Variants in TSC22D2 observed in about 807,000 individuals in gnomAD.
The protein encoded by TSC22D2 is TSC22 domain family protein 2.
Under a neutral mutation model 50.1 loss-of-function variants are expected in TSC22D2, and 5 were observed. The observed-to-expected ratio is 0.10, with a 90% CI of 0.05 to 0.21. TSC22D2 has a LOEUF of 0.21. Among genes scored for constraint, TSC22D2 ranks in the 10% least tolerant of loss-of-function variants. The probability of loss-of-function intolerance (pLI) is 1.00; values close to 1 mark genes in which losing one functional copy is unlikely to be tolerated. For missense variants in TSC22D2, 1,003 were observed against 1,015.5 expected (o/e 0.99, Z 0.17); for synonymous variants, 501 against 450.1 (o/e 1.11, Z -1.43).
Position 150,409,653 on chromosome 3 carries a change from C to A in TSC22D2, c.303C>A (p.Pro101=), listed in dbSNP as rs1429924397. Residue 101 remains proline, a synonymous_variant, in exon 1 of 3, where the codon CCC becomes CCA. Coordinates refer to ENST00000688009, the MANE Select transcript of TSC22D2 (RefSeq NM_001303264.2). This position sits in a 1 kb window ranked among gnomAD's most constrained non-coding sequence, Gnocchi z 7.4. ...DGQLAAAAAA[P]ANGGGVVSAR... is the part of the protein sequence containing the mutation. ...AGCTGGCAGCGGCGGCTGCTGCTCC[C>A]GCCAACGGAGGAGGAGTCGTTTCGG... 2 of 1,605,100 alleles carry A rather than the reference C, an allele frequency of 1.2e-6. No homozygotes were observed. Among genetic ancestry groups the A allele is most frequent in the East Asian group, 2.2e-5 (1 of 44,538 alleles).
intron 1 of TSC22D2, chr3:150,456,870 A>C: frequency 1.8e-6 from 1 of 544,034 alleles, no homozygotes. Context: ...TTGGCACTAC[A>C]AAGGACCTGT....
At chr3:150,419,771 CAGAG>C (rs2108067185) in intron 1 of TSC22D2, among the ~76,000 whole-genome samples, 1 of 152,000 alleles carries the variant, frequency 6.6e-6, no homozygotes, top group East Asian at 1.9e-4. Flanking sequence ...TATATAAAGT[CAGAG>C]AGAAAAGAAT....
At chr3:150,443,565 A>G (rs905316666) in intron 1 of TSC22D2, among the ~76,000 whole-genome samples, 1 of 152,246 alleles carries the variant, frequency 6.6e-6, no homozygotes, top group Non-Finnish European at 1.5e-5. Flanking sequence ...TCCTCAATGT[A>G]AAAAGAGTGA....
chr3:150,445,097 T>G (rs2108093768), intron 1 of TSC22D2, among the ~76,000 whole-genome samples: 1 of 152,062 alleles, frequency 6.6e-6, no homozygotes, highest in East Asian at 1.9e-4. Flanking sequence ...TTGGAAAAAT[T>G]TCCCACAGTA....
intron 1 of TSC22D2, among the ~76,000 whole-genome samples, chr3:150,429,273 C>T (rs972551789): frequency 2.0e-5 from 3 of 151,986 alleles, no homozygotes; most frequent in Non-Finnish European, 2.9e-5. Context: ...AATGAAGCCC[C>T]ACAAATAACT....
intron 1 of TSC22D2, among the ~76,000 whole-genome samples, chr3:150,454,701 G>C (rs930441319): frequency 1.3e-5 from 2 of 152,180 alleles, no homozygotes; most frequent in Admixed American, 6.5e-5. Context: ...CTTCAAGATA[G>C]TTAAAGGTCA....
chr3:150,435,126 C>CTG (rs1409854728), intron 1 of TSC22D2, among the ~76,000 whole-genome samples: 2 of 152,020 alleles, frequency 1.3e-5, no homozygotes, highest in Non-Finnish European at 2.9e-5. Flanking sequence ...TACGGGCGCC[C>CTG]ACCACCATGC....
rs1258868767 is a variant in TSC22D2, at chr3:150,410,658, C to T, written c.1308C>T (p.Ala436=). 25 of 1,554,510 alleles carry T rather than the reference C, an allele frequency of 1.6e-5. No homozygotes were observed. Among genetic ancestry groups the T allele is most frequent in the Middle Eastern group, 1.9e-4 (1 of 5,384 alleles). ...GCGCGTCTTCCCAGCCCAGCGAAGC[C>T]ATGGCCCCCCGGACGGGACCAGCGC... ...LMGASSQPSE[A]MAPRTGPAQG... Residue 436 remains alanine, a synonymous_variant, in exon 1 of 3, where the codon GCC becomes GCT. Coordinates refer to ENST00000688009, the MANE Select transcript of TSC22D2 (RefSeq NM_001303264.2).
At chr3:150,446,219 C>T (rs1206782019) in intron 1 of TSC22D2, among the ~76,000 whole-genome samples, 1 of 152,098 alleles carries the variant, frequency 6.6e-6, no homozygotes, top group Non-Finnish European at 1.5e-5. Context: ...TGTCTTACCC[C>T]TCAGAATGTC....
chr3:150,440,128 A>G (rs903437854), intron 1 of TSC22D2, among the ~76,000 whole-genome samples: 2 of 152,238 alleles, frequency 1.3e-5, no homozygotes, highest in Non-Finnish European at 1.5e-5. Context: ...AACTTGCTCA[A>G]GTCGCATAGC....
In TSC22D2 at chr3:150,408,609, A is replaced by G. The variant is rs1195159154; in HGVS notation, c.-742A>G. The G allele has an allele frequency of 6.6e-6, 1 of 151,954 alleles. No individual in the cohort carries two copies. Among genetic ancestry groups the G allele is most frequent in the Non-Finnish European group, 1.5e-5 (1 of 68,128 alleles). The allele number at this position is 151,954 out of a possible 1,614,324, so 9.4% of individuals were successfully genotyped here. ...GCCCGCAGGGGTGGTTCCCCCTGTA[A>G]GGGGAGGACCGAGCCGGCTTTCCCC... On this transcript the variant is annotated 5_prime_UTR_variant, in exon 1 of 3. Coordinates refer to ENST00000688009, the MANE Select transcript of TSC22D2 (RefSeq NM_001303264.2).
chr3:150,448,521 TTAAA>T (rs1377663405), intron 1 of TSC22D2, among the ~76,000 whole-genome samples: 2 of 152,176 alleles, frequency 1.3e-5, no homozygotes, highest in Admixed American at 6.5e-5. Context: ...GTCAAGTATC[TTAAA>T]TAAATGTAAT....
rs1475263404 is a variant in TSC22D2 at position 150,409,800 on chromosome 3, C to T, written c.450C>T (p.Ala150=). The T allele has an allele frequency of 6.2e-7, 1 of 1,603,444 alleles. No homozygotes were observed. The highest frequency in any genetic ancestry group is 1.6e-4 in the Middle Eastern group (1 of 6,062). Residue 150 remains alanine, a synonymous_variant, in exon 1 of 3, where the codon GCC becomes GCT. Coordinates refer to ENST00000688009, the MANE Select transcript of TSC22D2 (RefSeq NM_001303264.2). The surrounding 1 kb of genome is among the most constrained non-coding windows in gnomAD (Gnocchi z 7.4). ...CATCCGCCGGGCCAGTGACTGCAGC[C>T]CCATCTCAGCCTCCCACCACATGTA... ...AGSSAGPVTA[A]PSQPPTTCSS... is the part of the protein sequence containing the mutation.
intron 1 of TSC22D2, among the ~76,000 whole-genome samples, chr3:150,431,708 G>C (rs941953060): frequency 5.9e-5 from 9 of 152,276 alleles, no homozygotes; most frequent in Middle Eastern, 3.4e-3. Context: ...CAGCTGAAAC[G>C]ACTACTAGAG....
chr3:150,458,333 T>C (rs1721260339), intron 2 of TSC22D2, 43 bp from the exon 3 acceptor site: 4 of 1,585,130 alleles, frequency 2.5e-6, no homozygotes, highest in Non-Finnish European at 8.6e-7. Context: ...GCACCACCTT[T>C]ATCTTTTCAC....
rs1719410083 is a variant in TSC22D2 at position 150,409,440 on chromosome 3, C to A, written c.90C>A (p.Thr30=). Residue 30 remains threonine, a synonymous_variant, in exon 1 of 3, where the codon ACC becomes ACA. Coordinates refer to ENST00000688009, the MANE Select transcript of TSC22D2 (RefSeq NM_001303264.2). The surrounding 1 kb of genome is among the most constrained non-coding windows in gnomAD (Gnocchi z 7.4). ...AQVATSITED[T]ESLDDPDESR... Reference sequence around the variant, plus strand: ...TGGCCACTAGCATCACCGAGGACACCGAGAGCTTGGACGACCCGGACGAGT... The same window carrying A: ...TGGCCACTAGCATCACCGAGGACACAGAGAGCTTGGACGACCCGGACGAGT... 6.2e-7 allele frequency: 1 copy of A among 1,613,480 alleles called. No homozygotes were observed. Among genetic ancestry groups the A allele is most frequent in the Non-Finnish European group, 8.5e-7 (1 of 1,179,904 alleles).
At position 150,408,879 on chromosome 3, in the gene TSC22D2, G is replaced by A. The variant is rs1003351860; in HGVS notation, c.-472G>A. 7.3e-5 allele frequency: 12 copies of A among 163,332 alleles called. No homozygotes were observed. The highest frequency in any genetic ancestry group is 2.4e-4 in the Admixed American group (4 of 16,722). 10.1% of individuals were successfully genotyped at this position (163,332 alleles called of 1,614,324 possible). ...CACCGGCCTGAGGAGCCCGAGCGGG[G>A]CAGCACCGCCCCTCACGCCGCCGCC... On this transcript the variant is annotated 5_prime_UTR_variant, in exon 1 of 3. Transcript: ENST00000688009.
intron 1 of TSC22D2, among the ~76,000 whole-genome samples, chr3:150,455,807 A>C (rs994749662): frequency 9.9e-5 from 15 of 152,234 alleles, no homozygotes; most frequent in Non-Finnish European, 1.9e-4. Context: ...CATATAAAAA[A>C]TTATCTTTTC....
rs1721318853 is a variant in TSC22D2, at chr3:150,459,629, T to C, written c.*993T>C. On this transcript the variant is annotated 3_prime_UTR_variant, in exon 3 of 3. Coordinates refer to ENST00000688009, the MANE Select transcript of TSC22D2 (RefSeq NM_001303264.2). ...AATGCACATTCTTTATGTATTTTTA[T>C]TTAGTGTTTTCTCAGTCACAATTTT... The C allele has an allele frequency of 6.6e-6, 1 of 151,172 alleles. No individual in the cohort carries two copies. The highest frequency in any genetic ancestry group is 6.6e-5 in the Admixed American group (1 of 15,138). 9.4% of individuals were successfully genotyped at this position (151,172 alleles called of 1,614,324 possible).
Sources: allele counts gnomAD v4.1 joint callset (sites outside exome capture counted in the v4.1 genomes callset), GRCh38; gene constraint gnomAD v4.1.1; non-coding constraint Gnocchi (gnomAD v3.1); transcripts MANE v1.5; gene names NCBI Gene and HGNC (gene_info 2026-07-23, HGNC 2026-07-21).